EPN2: variants seen among roughly 807,000 people sequenced by gnomAD.
The protein encoded by EPN2 is epsin 2.
EPN2 carries 34 observed loss-of-function variants against 61.7 expected under a neutral mutation model. The observed-to-expected ratio is 0.55, with a 90% CI of 0.42 to 0.73. The LOEUF (loss-of-function observed/expected upper bound fraction) is 0.73, where lower values mean the gene tolerates loss of function less well. Ranked by LOEUF, EPN2 falls within the 30% of genes least tolerant of loss-of-function variation. The pLI, the probability that EPN2 is intolerant of heterozygous loss-of-function variation, is 0.00. For synonymous variants in EPN2, 349 were observed against 353.6 expected (o/e 0.99, Z 0.15); for missense variants, 714 against 839.2 (o/e 0.85, Z 1.84).
At position 19,335,840 on chromosome 17, in the gene EPN2, G is replaced by A. The variant is rs1026456084; in HGVS notation, c.*1586G>A. 1.8e-5 allele frequency: 3 copies of A among 169,886 alleles called. No homozygotes were observed. The highest frequency in any genetic ancestry group is 3.7e-5 in the Non-Finnish European group (3 of 80,002). The allele number at this position is 169,886 out of a possible 1,614,324, so 10.5% of individuals were successfully genotyped here. A position where few individuals can be genotyped will look rare whatever the true frequency, so the allele number is the denominator to read the frequency against. On this transcript the variant is annotated 3_prime_UTR_variant, in exon 11 of 11. Transcript: ENST00000314728. ...CCCACCACTGTAAAAGTATTACGTC[G>A]TGCATTAAAGACCAGAAAAGACTTG...
At chr17:19,265,114 C>T (rs1433898917) in intron 1 of EPN2, among the ~76,000 whole-genome samples, 1 of 152,076 alleles carries the variant, frequency 6.6e-6, no homozygotes, top group East Asian at 1.9e-4. Flanking sequence ...GTCCGGTGGC[C>T]AGGCATGGTG....
intron 4 of EPN2, among the ~76,000 whole-genome samples, chr17:19,298,516 T>C (rs1344357915): frequency 6.6e-6 from 1 of 152,212 alleles, no homozygotes. Context: ...TTATGTTTTT[T>C]TTAGAGCTGG....
intron 4 of EPN2, among the ~76,000 whole-genome samples, chr17:19,301,061 C>T (rs1905484888): frequency 6.6e-6 from 1 of 152,104 alleles, no homozygotes; most frequent in Non-Finnish European, 1.5e-5. Context: ...GAGCAGCGGG[C>T]AAGCAAAGGC....
chr17:19,260,775 A>G (rs2045132828), intron 1 of EPN2, among the ~76,000 whole-genome samples: 1 of 152,052 alleles, frequency 6.6e-6, no homozygotes, highest in Non-Finnish European at 1.5e-5. Context: ...CACCTGTAGC[A>G]GTTTGAATAC....
At chr17:19,324,785 A>G (rs1906794652) in intron 7 of EPN2, among the ~76,000 whole-genome samples, 2 of 152,254 alleles carry the variant, frequency 1.3e-5, no homozygotes, top group African/African-American at 2.4e-5. Flanking sequence ...AAGGATAAAG[A>G]TAGAAATTAA....
chr17:19,288,538 C>T (rs1567855502), intron 4 of EPN2, among the ~76,000 whole-genome samples: 1 of 152,030 alleles, frequency 6.6e-6, no homozygotes, highest in Non-Finnish European at 1.5e-5. Context: ...AAAGAGCCTT[C>T]CAGGCAGAAG....
intron 1 of EPN2, among the ~76,000 whole-genome samples, chr17:19,251,837 C>CT (rs1475658093): frequency 6.6e-6 from 1 of 151,978 alleles, no homozygotes; most frequent in Non-Finnish European, 1.5e-5. Context: ...AGATAGTAGA[C>CT]TTTTTTGGAT....
At chr17:19,240,272 G>A (rs760351281) in intron 1 of EPN2, among the ~76,000 whole-genome samples, 5 of 151,576 alleles carry the variant, frequency 3.3e-5, no homozygotes, top group African/African-American at 4.9e-5. Context: ...TTGAGATGGC[G>A]TCTCACGCTG....
At chr17:19,255,918 C>T (rs1474809236) in intron 1 of EPN2, among the ~76,000 whole-genome samples, 1 of 151,880 alleles carries the variant, frequency 6.6e-6, no homozygotes, top group Non-Finnish European at 1.5e-5. Context: ...TCACCAAACC[C>T]AATCCCTCCT....
chr17:19,267,699 C>T (rs1208713728), intron 1 of EPN2, among the ~76,000 whole-genome samples: 1 of 152,126 alleles, frequency 6.6e-6, no homozygotes, highest in Admixed American at 6.5e-5. Context: ...CGCATTACCA[C>T]ACCCGGCTAA....
At chr17:19,330,061 G>A (rs910939771) in intron 9 of EPN2, among the ~76,000 whole-genome samples, 1 of 152,204 alleles carries the variant, frequency 6.6e-6, no homozygotes, top group African/African-American at 2.4e-5. Flanking sequence ...CCAGGTGACC[G>A]CTCCAGCCCA....
At chr17:19,304,033 G>A (rs745527924) in intron 4 of EPN2, 2 of 152,218 alleles carry the variant, frequency 1.3e-5, no homozygotes, top group African/African-American at 4.8e-5. Flanking sequence ...AACTCGGGAG[G>A]TGGAGGTTGA....
At chr17:19,267,351 C>T (rs941243484) in intron 1 of EPN2, among the ~76,000 whole-genome samples, 10 of 151,812 alleles carry the variant, frequency 6.6e-5, no homozygotes, top group South Asian at 6.2e-4. Flanking sequence ...AAAAAAACCC[C>T]GTTGAATCGT....
chr17:19,279,116 T>A (rs1379221504), intron 1 of EPN2, among the ~76,000 whole-genome samples: 2 of 152,256 alleles, frequency 1.3e-5, no homozygotes, highest in African/African-American at 4.8e-5. Flanking sequence ...TCAGAGACCA[T>A]CAGCAGATGT....
intron 1 of EPN2, among the ~76,000 whole-genome samples, chr17:19,252,329 G>T (rs1020769510): frequency 6.6e-6 from 1 of 152,138 alleles, no homozygotes; most frequent in African/African-American, 2.4e-5. Flanking sequence ...CTTAAGGGCA[G>T]CCTGTCATTT....
intron 4 of EPN2, among the ~76,000 whole-genome samples, chr17:19,289,246 G>A (rs935517432): frequency 1.3e-5 from 2 of 151,928 alleles, no homozygotes; most frequent in East Asian, 1.9e-4. Context: ...CACCACGCCC[G>A]GCTAATTTTT....
chr17:19,254,708 A>G (rs1855959366), intron 1 of EPN2, among the ~76,000 whole-genome samples: 1 of 152,020 alleles, frequency 6.6e-6, no homozygotes, highest in South Asian at 2.1e-4. Flanking sequence ...AGGTTTGAGG[A>G]TGAGTAGTGG....
At chr17:19,287,399 A>T (rs1026398803) in intron 4 of EPN2, among the ~76,000 whole-genome samples, 17 of 152,050 alleles carry the variant, frequency 1.1e-4, no homozygotes, top group African/African-American at 3.9e-4. Flanking sequence ...CAAGTGTTAT[A>T]TGGATTGCAT....
At chr17:19,242,355 C>G (rs943097320) in intron 1 of EPN2, among the ~76,000 whole-genome samples, 11 of 152,192 alleles carry the variant, frequency 7.2e-5, no homozygotes, top group Non-Finnish European at 1.5e-4. Flanking sequence ...GCAGGAAAAT[C>G]ACTTGAACCT....
Sources: allele counts gnomAD v4.1 joint callset (sites outside exome capture counted in the v4.1 genomes callset), GRCh38; gene constraint gnomAD v4.1.1; transcripts MANE v1.5; gene names NCBI Gene and HGNC (gene_info 2026-07-23, HGNC 2026-07-21).